HS6ST3: variants seen among roughly 807,000 people sequenced by gnomAD.
The protein encoded by HS6ST3 is heparan-sulfate 6-O-sulfotransferase 3.
Under a neutral mutation model 36.7 loss-of-function variants are expected in HS6ST3, and 12 were observed. That is an observed-to-expected ratio of 0.33 (90% confidence interval 0.21 to 0.53). The LOEUF (loss-of-function observed/expected upper bound fraction) is 0.53, where lower values mean the gene tolerates loss of function less well. HS6ST3 is among the 20% of genes least tolerant of loss of function. The pLI, the probability that HS6ST3 is intolerant of heterozygous loss-of-function variation, is 0.95. For missense variants in HS6ST3, 584 were observed against 640.9 expected, an observed-to-expected ratio of 0.91 and a Z score of 0.96; for synonymous variants, 240 against 257.5, an observed-to-expected ratio of 0.93 and a Z score of 0.65.
At chr13:96,647,972 G>GA (rs2056594633) in intron 1 of HS6ST3, among the ~76,000 whole-genome samples, 2 of 151,878 alleles carry the variant, frequency 1.3e-5, no homozygotes, top group Non-Finnish European at 2.9e-5. Flanking sequence ...ATATCCTTGG[G>GA]AGATTTTATC....
At chr13:96,212,847 T>C (rs768170710) in intron 1 of HS6ST3, among the ~76,000 whole-genome samples, 3 of 152,206 alleles carry the variant, frequency 2.0e-5, no homozygotes, top group Non-Finnish European at 4.4e-5. Context: ...TGGCAGACTC[T>C]ACATGTTCAA....
intron 1 of HS6ST3, among the ~76,000 whole-genome samples, chr13:96,130,821 C>G (rs1488421304): frequency 6.6e-6 from 1 of 151,040 alleles, no homozygotes; most frequent in African/African-American, 2.4e-5. Context: ...CCTTCCTAGT[C>G]TGGAACTTCC....
chr13:96,623,096 C>CT (rs1364038494), intron 1 of HS6ST3, among the ~76,000 whole-genome samples: 1 of 152,014 alleles, frequency 6.6e-6, no homozygotes, highest in Non-Finnish European at 1.5e-5. Context: ...ACATAGTGAA[C>CT]TTTTTTCATT....
At chr13:96,137,145 A>C in intron 1 of HS6ST3, among the ~76,000 whole-genome samples, 1 of 146,672 alleles carries the variant, frequency 6.8e-6, no homozygotes. Context: ...CTTTTAATTG[A>C]TTTCTTCCTC....
chr13:96,732,108 A>G (rs1876170579), intron 1 of HS6ST3, among the ~76,000 whole-genome samples: 2 of 152,182 alleles, frequency 1.3e-5, no homozygotes, highest in South Asian at 4.1e-4. Flanking sequence ...TTCTAACTGG[A>G]GTGCGATATC....
At chr13:96,561,278 T>C (rs2056261092) in intron 1 of HS6ST3, among the ~76,000 whole-genome samples, 1 of 152,022 alleles carries the variant, frequency 6.6e-6, no homozygotes, top group African/African-American at 2.4e-5. Flanking sequence ...AAATAAGAAA[T>C]GGGGAAAGGA....
At chr13:96,523,875 A>G (rs1594799616) in intron 1 of HS6ST3, among the ~76,000 whole-genome samples, 1 of 152,184 alleles carries the variant, frequency 6.6e-6, no homozygotes. Flanking sequence ...CGTCAAACTC[A>G]TTCTCCATCC....
At chr13:96,677,540 G>A (rs1264674431) in intron 1 of HS6ST3, among the ~76,000 whole-genome samples, 3 of 152,062 alleles carry the variant, frequency 2.0e-5, no homozygotes, top group Non-Finnish European at 4.4e-5. Context: ...ATATATGTGT[G>A]TGTGTATATG....
At chr13:96,170,060 A>C (rs2139333825) in intron 1 of HS6ST3, among the ~76,000 whole-genome samples, 1 of 152,322 alleles carries the variant, frequency 6.6e-6, no homozygotes, top group Middle Eastern at 3.4e-3. Context: ...AAACCACCTG[A>C]TTTGTATTTT....
intron 1 of HS6ST3, among the ~76,000 whole-genome samples, chr13:96,205,807 C>T (rs533593131): frequency 2.6e-5 from 4 of 152,092 alleles, no homozygotes; most frequent in Non-Finnish European, 4.4e-5. Flanking sequence ...ATTGAAAGAA[C>T]ATACCTCAAA....
intron 1 of HS6ST3, among the ~76,000 whole-genome samples, chr13:96,585,011 A>C (rs1299833470): frequency 6.6e-6 from 1 of 152,202 alleles, no homozygotes; most frequent in African/African-American, 2.4e-5. Flanking sequence ...TGGAAAAAAC[A>C]ATGCATGTCT....
intron 1 of HS6ST3, among the ~76,000 whole-genome samples, chr13:96,399,753 G>C (rs143005733): frequency 3.2e-4 from 48 of 152,248 alleles, no homozygotes; most frequent in African/African-American, 1.1e-3. Flanking sequence ...TCTTCTTACG[G>C]GCTTTCAACA....
At chr13:96,249,690 A>G (rs2054599136) in intron 1 of HS6ST3, among the ~76,000 whole-genome samples, 1 of 152,194 alleles carries the variant, frequency 6.6e-6, no homozygotes, top group Non-Finnish European at 1.5e-5. Context: ...TAATGGCAGC[A>G]TTATTCATAG....
chr13:96,256,462 G>A (rs2054638006), intron 1 of HS6ST3, among the ~76,000 whole-genome samples: 1 of 152,194 alleles, frequency 6.6e-6, no homozygotes, highest in South Asian at 2.1e-4. Flanking sequence ...TTGTTGTGAA[G>A]ATTAAGTCAT....
chr13:96,832,385 T>C (rs760934932), intron 1 of HS6ST3, 105 bp from the exon 2 acceptor site: 5 of 777,990 alleles, frequency 6.4e-6, no homozygotes, highest in Non-Finnish European at 1.0e-5. Flanking sequence ...ACATGAACAT[T>C]TGGCAAAGAG....
At chr13:96,472,828 T>C (rs2055845879) in intron 1 of HS6ST3, among the ~76,000 whole-genome samples, 1 of 152,170 alleles carries the variant, frequency 6.6e-6, no homozygotes, top group South Asian at 2.1e-4. Context: ...GGGTGGTGAT[T>C]GGTTACTTGT....
intron 1 of HS6ST3, among the ~76,000 whole-genome samples, chr13:96,766,343 A>G (rs1877118512): frequency 6.6e-6 from 1 of 152,170 alleles, no homozygotes; most frequent in South Asian, 2.1e-4. Flanking sequence ...CAGATTTCCA[A>G]AGCACTGATT....
At chr13:96,347,537 G>A (rs2055161676) in intron 1 of HS6ST3, among the ~76,000 whole-genome samples, 1 of 152,210 alleles carries the variant, frequency 6.6e-6, no homozygotes, top group Non-Finnish European at 1.5e-5. Context: ...TATACTGCAG[G>A]ACCACCTAAT....
intron 1 of HS6ST3, among the ~76,000 whole-genome samples, chr13:96,437,383 A>G (rs1054448314): frequency 6.6e-6 from 1 of 152,166 alleles, no homozygotes; most frequent in Admixed American, 6.6e-5. Flanking sequence ...AGGCTCTTCA[A>G]TGTTTGTCTT....
Sources: gnomAD v4.1 joint callset for allele counts (sites outside exome capture counted in the v4.1 genomes callset) on GRCh38, gnomAD v4.1.1 for gene constraint, MANE v1.5 for transcripts, NCBI Gene and HGNC (gene_info 2026-07-23, HGNC 2026-07-21) for gene names.